SEZ6L: variants seen among roughly 807,000 people sequenced by gnomAD.
The protein encoded by SEZ6L is seizure 6-like protein.
Under a neutral mutation model 106.2 loss-of-function variants are expected in SEZ6L, and 37 were observed. The observed-to-expected ratio is 0.35, with a 90% CI of 0.27 to 0.46. The LOEUF (loss-of-function observed/expected upper bound fraction) is 0.46, where lower values mean the gene tolerates loss of function less well. SEZ6L is among the 20% of genes least tolerant of loss of function. The pLI, the probability that SEZ6L is intolerant of heterozygous loss-of-function variation, is 1.00. For synonymous variants in SEZ6L, 541 were observed against 570.4 expected, an observed-to-expected ratio of 0.95 and a Z score of 0.73; for missense variants, 1,172 against 1,332.8, an observed-to-expected ratio of 0.88 and a Z score of 1.88.
At chr22:26,262,244 T>TTATCTATCTATA in intron 1 of SEZ6L, among the ~76,000 whole-genome samples, 1 of 144,322 alleles carries the variant, frequency 6.9e-6, no homozygotes, top group East Asian at 2.0e-4. Flanking sequence ...TTGATATATT[T>TTATCTATCTATA]TATCTATCTA....
intron 1 of SEZ6L, among the ~76,000 whole-genome samples, chr22:26,234,154 G>A (rs913359202): frequency 2.0e-5 from 3 of 152,204 alleles, no homozygotes; most frequent in Admixed American, 6.5e-5. Context: ...TGTGGAAACT[G>A]GGGTGTCAGG....
chr22:26,267,581 C>T (rs1168402143), intron 1 of SEZ6L, among the ~76,000 whole-genome samples: 3 of 152,180 alleles, frequency 2.0e-5, no homozygotes, highest in African/African-American at 7.2e-5. Flanking sequence ...ATTTGGGAAA[C>T]ATAGCTTCAA....
chr22:26,290,837 C>T (rs1223855883), intron 1 of SEZ6L, among the ~76,000 whole-genome samples: 2 of 152,248 alleles, frequency 1.3e-5, no homozygotes, highest in Admixed American at 6.5e-5. Flanking sequence ...GCCTCCAAGC[C>T]TCCATGGGTC....
At chr22:26,270,414 A>G (rs1171300019) in intron 1 of SEZ6L, among the ~76,000 whole-genome samples, 2 of 151,748 alleles carry the variant, frequency 1.3e-5, no homozygotes, top group African/African-American at 4.8e-5. Flanking sequence ...TTGAAATAGA[A>G]TTATCAGAGA....
intron 10 of SEZ6L, among the ~76,000 whole-genome samples, chr22:26,345,176 T>C (rs1249701662): frequency 6.6e-6 from 1 of 152,166 alleles, no homozygotes; most frequent in Non-Finnish European, 1.5e-5. Flanking sequence ...CTACTTAGGG[T>C]GCTTGGTAAA....
intron 1 of SEZ6L, among the ~76,000 whole-genome samples, chr22:26,267,052 G>C (rs1272085876): frequency 6.6e-6 from 1 of 152,182 alleles, no homozygotes; most frequent in Non-Finnish European, 1.5e-5. Context: ...CGTGTGTACA[G>C]AGTCAAAATA....
chr22:26,268,789 A>G (rs2080269894), intron 1 of SEZ6L, among the ~76,000 whole-genome samples: 1 of 152,206 alleles, frequency 6.6e-6, no homozygotes. Context: ...TTCTCCCGAC[A>G]TTGCCAAATG....
chr22:26,280,309 T>C (rs1209204101), intron 1 of SEZ6L, among the ~76,000 whole-genome samples: 3 of 152,222 alleles, frequency 2.0e-5, no homozygotes, highest in Non-Finnish European at 4.4e-5. Context: ...AAAAAAGGTC[T>C]ATAATGAAAA....
At position 26,341,867 on chromosome 22, in the gene SEZ6L, C is replaced by A. The variant is rs535686756; in HGVS notation, c.2212+1235C>A. Among the ~76,000 whole-genome samples, 66 of 152,310 alleles carry A rather than the reference C, an allele frequency of 4.3e-4. 1 individual carries two copies. The highest frequency in any genetic ancestry group is 1.5e-3 in the African/African-American group (61 of 41,546). ...GTCTTTCTACGGCCACCACTCTAGT[C>A]CGAACTACCAACATTCCCAGATGTC... is the stretch of plus-strand genomic sequence containing the variant. On this transcript the variant is annotated intron_variant, in intron 10 of 16. Coordinates refer to ENST00000248933, the MANE Select transcript of SEZ6L (RefSeq NM_021115.5).
chr22:26,224,904 A>C (rs1043157890), intron 1 of SEZ6L, among the ~76,000 whole-genome samples: 1 of 152,222 alleles, frequency 6.6e-6, no homozygotes, highest in Non-Finnish European at 1.5e-5. Flanking sequence ...CTCTGCAGCC[A>C]TCTGCAGTTC....
intron 1 of SEZ6L, among the ~76,000 whole-genome samples, chr22:26,291,613 TA>T (rs1416719604): frequency 6.6e-6 from 1 of 152,104 alleles, no homozygotes; most frequent in East Asian, 1.9e-4. Flanking sequence ...AATTTAAATT[TA>T]AAAAAACTCT....
intron 9 of SEZ6L, among the ~76,000 whole-genome samples, chr22:26,330,161 G>A (rs1411336773): frequency 2.0e-5 from 3 of 152,226 alleles, no homozygotes; most frequent in Non-Finnish European, 4.4e-5. Context: ...GTGAAGACAT[G>A]TGCCTTCAGG....
chr22:26,236,502 C>T (rs1454345860), intron 1 of SEZ6L, among the ~76,000 whole-genome samples: 2 of 152,114 alleles, frequency 1.3e-5, no homozygotes, highest in Admixed American at 1.3e-4. Flanking sequence ...GGTATGGAAA[C>T]AGGAGATAGT....
chr22:26,344,626 A>T (rs2082949502), intron 10 of SEZ6L, among the ~76,000 whole-genome samples: 1 of 152,230 alleles, frequency 6.6e-6, no homozygotes, highest in African/African-American at 2.4e-5. Context: ...GCAAAAATTG[A>T]ACCTTGGTGC....
At chr22:26,377,644 G>A (rs1169492576) in intron 15 of SEZ6L, 29 bp from the exon 16 acceptor site, 1 of 1,552,178 alleles carries the variant, frequency 6.4e-7, no homozygotes, top group South Asian at 1.1e-5. Context: ...CTGGGGAGAA[G>A]TAACTTCTCT....
intron 9 of SEZ6L, among the ~76,000 whole-genome samples, chr22:26,338,131 G>C (rs1354732021): frequency 2.6e-5 from 4 of 152,172 alleles, no homozygotes; most frequent in African/African-American, 9.7e-5. Flanking sequence ...CCATTTCCCA[G>C]AACACCTCTC....
chr22:26,275,057 G>A (rs1341017659), intron 1 of SEZ6L, among the ~76,000 whole-genome samples: 1 of 152,208 alleles, frequency 6.6e-6, no homozygotes, highest in Non-Finnish European at 1.5e-5. Context: ...GGACTTAGCG[G>A]TTACCTCTCT....
intron 1 of SEZ6L, among the ~76,000 whole-genome samples, chr22:26,288,536 A>G (rs1277740181): frequency 6.6e-6 from 1 of 152,232 alleles, no homozygotes; most frequent in African/African-American, 2.4e-5. Context: ...AGCTAGTAGC[A>G]TGATCTTTGG....
chr22:26,299,501 C>T (rs2081390287), intron 5 of SEZ6L, among the ~76,000 whole-genome samples: 1 of 152,174 alleles, frequency 6.6e-6, no homozygotes, highest in African/African-American at 2.4e-5. Flanking sequence ...CGCTGGCAAC[C>T]ATCCGGCTGC....
Sources: allele counts gnomAD v4.1 joint callset (sites outside exome capture counted in the v4.1 genomes callset), GRCh38; gene constraint gnomAD v4.1.1; transcripts MANE v1.5; gene names NCBI Gene and HGNC (gene_info 2026-07-23, HGNC 2026-07-21).